MTUS2: variants seen among roughly 807,000 people sequenced by gnomAD.
MTUS2 encodes microtubule associated scaffold protein 2.
Under a neutral mutation model 114.1 loss-of-function variants are expected in MTUS2, and 40 were observed. The observed-to-expected ratio is 0.35, with a 90% CI of 0.27 to 0.46. The LOEUF is 0.46. Ranked by LOEUF, MTUS2 falls within the 20% of genes least tolerant of loss-of-function variation. The probability of loss-of-function intolerance (pLI) is 1.00; values close to 1 mark genes in which losing one functional copy is unlikely to be tolerated. For synonymous variants in MTUS2, 688 were observed against 672.0 expected (o/e 1.02, Z -0.37); for missense variants, 1,679 against 1,705.4 (o/e 0.98, Z 0.27).
At chr13:28,842,916 C>G (rs7986395) in intron 2 of MTUS2, among the ~76,000 whole-genome samples, 102,538 of 152,076 alleles carry the variant, frequency 0.67, 37,803 homozygotes, top group Non-Finnish European at 0.82. Context: ...TCCTTAGAAC[C>G]CCCTCTGGGA....
chr13:29,064,028 A>G (rs1888540731), intron 4 of MTUS2, among the ~76,000 whole-genome samples: 1 of 152,168 alleles, frequency 6.6e-6, no homozygotes, highest in South Asian at 2.1e-4. Flanking sequence ...GGGCGCATTG[A>G]TTCATTCTGT....
intron 5 of MTUS2, among the ~76,000 whole-genome samples, chr13:29,244,949 C>G (rs1422557571): frequency 3.8e-5 from 2 of 52,990 alleles, no homozygotes; most frequent in African/African-American, 6.7e-5. Flanking sequence ...GAGCGAGACT[C>G]CGTCTCAAAA....
chr13:29,137,576 T>G (rs913935485), intron 5 of MTUS2, among the ~76,000 whole-genome samples: 2 of 151,964 alleles, frequency 1.3e-5, no homozygotes, highest in African/African-American at 4.8e-5. Context: ...TGTTCTTTCT[T>G]CTTCTTTCTT....
At chr13:29,320,965 A>G (rs969092730) in intron 6 of MTUS2, among the ~76,000 whole-genome samples, 2 of 152,230 alleles carry the variant, frequency 1.3e-5, no homozygotes, top group Non-Finnish European at 2.9e-5. Flanking sequence ...AGGACAATTG[A>G]CTAGGAGAGA....
chr13:29,216,916 T>C (rs747104343), intron 5 of MTUS2, among the ~76,000 whole-genome samples: 7 of 152,208 alleles, frequency 4.6e-5, no homozygotes, highest in African/African-American at 9.6e-5. Context: ...CTAATACTTA[T>C]CTTTTGCATT....
At chr13:29,495,181 CAA>C (rs71090260) in intron 12 of MTUS2, among the ~76,000 whole-genome samples, 318 of 30,026 alleles carry the variant, frequency 0.011, no homozygotes, top group Non-Finnish European at 0.014. Context: ...AACTCCGTCT[CAA>C]AAAAAAAAAA....
chr13:29,180,340 T>C (rs1180674614), intron 5 of MTUS2, among the ~76,000 whole-genome samples: 1 of 152,178 alleles, frequency 6.6e-6, no homozygotes, highest in East Asian at 1.9e-4. Flanking sequence ...ATACACAATA[T>C]TAATTTCAAT....
At chr13:29,487,485 G>A (rs1307729799) in intron 10 of MTUS2, 2 of 185,240 alleles carry the variant, frequency 1.1e-5, no homozygotes, top group South Asian at 1.2e-4. Flanking sequence ...ATAAGTATTC[G>A]TTCCCTCCAC....
At chr13:29,272,918 A>G (rs1008591276) in intron 5 of MTUS2, among the ~76,000 whole-genome samples, 31 of 152,306 alleles carry the variant, frequency 2.0e-4, no homozygotes, top group Admixed American at 4.6e-4. Flanking sequence ...TTGGTTGTCT[A>G]TTGAGGGCTG....
At chr13:29,359,932 T>G (rs1870087465) in intron 8 of MTUS2, among the ~76,000 whole-genome samples, 1 of 152,144 alleles carries the variant, frequency 6.6e-6, no homozygotes, top group Non-Finnish European at 1.5e-5. Flanking sequence ...GGGACTCTTC[T>G]CAAGGCCATG....
At chr13:28,966,759 A>T (rs1846977844) in intron 2 of MTUS2, among the ~76,000 whole-genome samples, 1 of 147,518 alleles carries the variant, frequency 6.8e-6, no homozygotes, top group Non-Finnish European at 1.5e-5. Flanking sequence ...CAAAGAACTG[A>T]TTATTATTTT....
intron 2 of MTUS2, among the ~76,000 whole-genome samples, chr13:28,876,402 G>T (rs1415236103): frequency 2.6e-5 from 4 of 152,150 alleles, no homozygotes; most frequent in Non-Finnish European, 5.9e-5. Context: ...AGTACGGCAG[G>T]GTTCCCGCAT....
At chr13:29,175,543 T>C (rs1268513144) in intron 5 of MTUS2, among the ~76,000 whole-genome samples, 1 of 151,216 alleles carries the variant, frequency 6.6e-6, no homozygotes, top group African/African-American at 2.4e-5. Context: ...CTGTCATTAC[T>C]GCTTTGTGCT....
Position 29,490,087 on chromosome 13 carries a change from A to G in MTUS2, c.3505+2082A>G, listed in dbSNP as rs186083454. On this transcript the variant is annotated intron_variant, in intron 11 of 15. Transcript: ENST00000612955. The stretch of plus-strand genomic sequence containing the variant: ...CATGTGCGTGTAGGTAATGGTAGCT[A>G]AAAAATTTATTATTATGGTCAGGAT... 1.5e-3 allele frequency: 227 copies of G among 152,314 alleles called. 1 individual carries two copies. Among genetic ancestry groups the G allele is most frequent in the African/African-American group, 5.2e-3 (215 of 41,570 alleles). The allele number at this position is 152,314 out of a possible 1,614,324, so 9.4% of individuals were successfully genotyped here. A position where few individuals can be genotyped will look rare whatever the true frequency, so the allele number is the denominator to read the frequency against.
At chr13:28,869,727 C>T (rs945208886) in intron 2 of MTUS2, among the ~76,000 whole-genome samples, 7 of 152,158 alleles carry the variant, frequency 4.6e-5, no homozygotes, top group African/African-American at 7.2e-5. Context: ...GCTGAGATCA[C>T]GCCGTTGCAC....
chr13:29,418,252 T>TA (rs762116836), intron 8 of MTUS2, among the ~76,000 whole-genome samples: 1 of 152,112 alleles, frequency 6.6e-6, no homozygotes, highest in African/African-American at 2.4e-5. Context: ...GGAAAAAAGA[T>TA]TACATTTTTC....
At chr13:29,365,510 T>TTG (rs56164752) in intron 8 of MTUS2, among the ~76,000 whole-genome samples, 31 of 146,938 alleles carry the variant, frequency 2.1e-4, no homozygotes, top group African/African-American at 6.3e-4. Flanking sequence ...TTGTTTGGGT[T>TTG]TGTGTGTGTG....
intron 2 of MTUS2, among the ~76,000 whole-genome samples, chr13:28,861,837 T>G (rs1877006543): frequency 6.6e-6 from 1 of 152,152 alleles, no homozygotes. Context: ...TGTGGAGTGT[T>G]TGAGTGGGAA....
chr13:29,103,535 A>G (rs372086181), intron 5 of MTUS2, among the ~76,000 whole-genome samples: 4 of 152,342 alleles, frequency 2.6e-5, no homozygotes, highest in African/African-American at 9.6e-5. Context: ...CAGGAGTGGA[A>G]GGTGCTCTTG....
Sources: allele counts gnomAD v4.1 joint callset (sites outside exome capture counted in the v4.1 genomes callset), GRCh38; gene constraint gnomAD v4.1.1; transcripts MANE v1.5; gene names NCBI Gene and HGNC (gene_info 2026-07-23, HGNC 2026-07-21).